The following SCPEP1 variants were observed in gnomAD, a reference collection of about 807,000 sequenced individuals.
SCPEP1 encodes retinoid-inducible serine carboxypeptidase.
SCPEP1 carries 51 observed loss-of-function variants against 63.8 expected under a neutral mutation model. The observed-to-expected ratio is 0.80, with a 90% CI of 0.64 to 1.01. The LOEUF (loss-of-function observed/expected upper bound fraction) is 1.01. SCPEP1 is among the 50% of genes least tolerant of loss of function. SCPEP1 has a pLI of 0.00. For missense variants in SCPEP1, 499 were observed against 554.9 expected (o/e 0.90, Z 1.01); for synonymous variants, 204 against 207.8 (o/e 0.98, Z 0.16).
rs562695761 is a variant in SCPEP1, at chr17:56,982,361, C to T, written c.225+1131C>T. ...GTTTTGCCTCCCAGGATGGTCGATG[C>T]AGACTTTCTGGTGAGATAGAGCGAA... On this transcript the variant is annotated intron_variant, in intron 2 of 12. Coordinates refer to ENST00000262288, the MANE Select transcript of SCPEP1 (RefSeq NM_021626.3). 7.7e-4 allele frequency among the ~76,000 whole-genome samples: 118 copies of T among 152,318 alleles called. 1 individual carries two copies. Among genetic ancestry groups the T allele is most frequent in the Non-Finnish European group, 1.4e-3 (94 of 68,018 alleles).
chr17:57,006,188 G>C lies in SCPEP1; in HGVS notation c.1312G>C (p.Gly438Arg). The change falls in exon 13 of 13, where the codon GGG becomes CGG. Residue 438 changes from glycine (G) to arginine (R), a missense_variant. Physicochemically the swap from Gly to Arg is moderately radical, Grantham distance 125. Transcript: ENST00000262288. ...KAGHMVPSDQGDMALKMMRLV... is the reference protein window; with the variant it reads ...KAGHMVPSDQRDMALKMMRLV... ...TTTTTTCTAGGTTCCTTCTGACCAAGGGGACATGGCTCTGAAGATGATGAG... is the reference window on the plus strand; with the variant it reads ...TTTTTTCTAGGTTCCTTCTGACCAACGGGACATGGCTCTGAAGATGATGAG... The C allele has an allele frequency of 1.9e-6, 3 of 1,611,084 alleles. No homozygotes were observed. Among genetic ancestry groups the C allele is most frequent in the Non-Finnish European group, 2.5e-6 (3 of 1,178,702 alleles).
chr17:56,998,563 GA>G, intron 10 of SCPEP1, 65 bp downstream of exon 10: 1 of 1,261,510 alleles, frequency 7.9e-7, no homozygotes, highest in Non-Finnish European at 1.2e-6. Context: ...TGCAAATTCA[GA>G]GACCTGAATT....
At chr17:56,980,736 C>T (rs566490398) in intron 1 of SCPEP1, among the ~76,000 whole-genome samples, 2 of 146,084 alleles carry the variant, frequency 1.4e-5, no homozygotes, top group Non-Finnish European at 3.0e-5. Flanking sequence ...TGCGGTGAGC[C>T]GAGATTGCGC....
rs369493790 is a variant in SCPEP1 at position 56,985,428 on chromosome 17, G to A, written c.276G>A (p.Gly92=). ...STGFGNFEEI[G]PLDSDLKPRK... ...GATTTGGAAACTTTGAGGAAATTGG[G>A]CCCCTTGACAGTGATCTCAAACCAC... Residue 92 remains glycine (G), a synonymous_variant, in exon 3 of 13, where the codon GGG becomes GGA. Transcript: ENST00000262288. The A allele has an allele frequency of 1.3e-4, 210 of 1,614,070 alleles. No individual in the cohort carries two copies. Among genetic ancestry groups the A allele is most frequent in the Middle Eastern group, 6.6e-4 (4 of 6,084 alleles).
At chr17:56,996,808 C>T (rs1297724019) in intron 8 of SCPEP1, among the ~76,000 whole-genome samples, 154 bp from the exon 9 acceptor site, 1 of 152,160 alleles carries the variant, frequency 6.6e-6, no homozygotes, top group Non-Finnish European at 1.5e-5. Flanking sequence ...CATGAGCCAC[C>T]AGGCCCAGCC....
rs570527797 is a variant in SCPEP1 at position 57,006,549 on chromosome 17, G to A, written c.*314G>A. 62 of 190,364 alleles carry A rather than the reference G, an allele frequency of 3.3e-4. No individual in the cohort carries two copies. The South Asian group carries it at 4.5e-3, about 14-fold the overall frequency. The allele number at this position is 190,364 out of a possible 1,614,324, so 11.8% of individuals were successfully genotyped here. On this transcript the variant is annotated 3_prime_UTR_variant, in exon 13 of 13. Coordinates refer to ENST00000262288, the MANE Select transcript of SCPEP1 (RefSeq NM_021626.3). ...TTTATAGAAAAACTGGGAAATACAGGTACCCAAAGAGTAAATCAACATCTG... is the reference window on the plus strand; with the variant it reads ...TTTATAGAAAAACTGGGAAATACAGATACCCAAAGAGTAAATCAACATCTG...
At chr17:57,001,964 T>C (rs1349073744) in intron 11 of SCPEP1, 54 bp from the exon 12 acceptor site, 12 of 1,560,956 alleles carry the variant, frequency 7.7e-6, no homozygotes, top group Non-Finnish European at 1.0e-5. Context: ...TAGACTTTTT[T>C]CCTATTCTAT....
intron 2 of SCPEP1, chr17:56,984,234 A>T (rs976872737): frequency 6.6e-6 from 1 of 152,356 alleles, no homozygotes; most frequent in African/African-American, 2.4e-5. Context: ...TCGTCTTTTC[A>T]TATCTCCCTT....
rs1911892695 is a variant in SCPEP1, at chr17:57,006,328, A to G, written c.*93A>G. The G allele has an allele frequency of 7.8e-5, 68 of 872,712 alleles. No homozygotes were observed. The highest frequency in any genetic ancestry group is 1.1e-4 in the Non-Finnish European group (64 of 576,684). 54.1% of individuals were successfully genotyped at this position (872,712 alleles called of 1,614,324 possible). A position where few individuals can be genotyped will look rare whatever the true frequency, so the allele number is the denominator to read the frequency against. On this transcript the variant is annotated 3_prime_UTR_variant, in exon 13 of 13. Transcript: ENST00000262288. ...TGTAGGAAGCGCCATTCTTCCCTGTATCTAACTGGGGCTGTGATCAAGAAG... is the reference window on the plus strand; with the variant it reads ...TGTAGGAAGCGCCATTCTTCCCTGTGTCTAACTGGGGCTGTGATCAAGAAG...
chr17:56,981,057 G>A (rs776475729), intron 1 of SCPEP1, 25 bp from the exon 2 acceptor site: 2 of 1,613,668 alleles, frequency 1.2e-6, no homozygotes, highest in Non-Finnish European at 8.5e-7. Context: ...CTCTTCTGGA[G>A]AGTGAAATTG....
chr17:56,985,602 C>T, intron 3 of SCPEP1, 135 bp downstream of exon 3: 2 of 670,446 alleles, frequency 3.0e-6, no homozygotes, highest in South Asian at 1.8e-5. Context: ...AGGCCATGGG[C>T]ACTTGTCCGC....
rs1328493895 is a variant in SCPEP1 at position 56,985,570 on chromosome 17, T to A, written c.315+103T>A. The A allele has an allele frequency of 1.3e-5, 11 of 847,808 alleles. No individual in the cohort carries two copies. In the East Asian group the frequency reaches 2.7e-4, roughly 21 times the overall value. The allele number at this position is 847,808 out of a possible 1,614,324, so 52.5% of individuals were successfully genotyped here. On this transcript the variant is annotated intron_variant, in intron 3 of 12. Transcript: ENST00000262288. ...AAATGTAGCAATCCCTCGCTGTCCT[T>A]TTCCTTTTCCTGTGACTACTGAGGC...
Position 56,995,525 on chromosome 17 carries a change from G to A in SCPEP1, c.676G>A (p.Gly226Ser), listed in dbSNP as rs1911520509. Residue 226 changes from glycine (G) to serine (S), a missense_variant, in exon 8 of 13, where the codon GGT becomes AGT. Gly to Ser is a moderately conservative substitution (Grantham distance 56). Coordinates refer to ENST00000262288, the MANE Select transcript of SCPEP1 (RefSeq NM_021626.3). ...ATTCCAGTCTCTTCTCGAAGACAAA[G>A]GTCTGGCAGAGGTGTCTAAGGTTGC... Reference protein sequence around the residue: ...LYSMSLLEDKGLAEVSKVAEQ... With the variant: ...LYSMSLLEDKSLAEVSKVAEQ... 6.2e-7 allele frequency: 1 copy of A among 1,613,272 alleles called. No homozygotes were observed. Among genetic ancestry groups the A allele is most frequent in the East Asian group, 2.2e-5 (1 of 44,820 alleles).
chr17:56,997,533 C>A (rs542524588), intron 9 of SCPEP1, among the ~76,000 whole-genome samples: 1 of 152,210 alleles, frequency 6.6e-6, no homozygotes, highest in Admixed American at 6.5e-5. Flanking sequence ...TGCAGGATAC[C>A]CTAGGTTCCA....
intron 3 of SCPEP1, chr17:56,987,235 T>C (rs1229199511): frequency 6.5e-6 from 1 of 153,150 alleles, no homozygotes; most frequent in African/African-American, 2.4e-5. Context: ...AATTCTGCTC[T>C]TGCAGTGTAC....
At chr17:56,987,562 A>C in intron 3 of SCPEP1, 133 bp from the exon 4 acceptor site, 1 of 726,358 alleles carries the variant, frequency 1.4e-6, no homozygotes, top group African/African-American at 1.9e-5. Context: ...AATCTCTTTT[A>C]GCAACAGGGA....
chr17:57,001,643 C>T lies in SCPEP1; in HGVS notation c.1133-375C>T, dbSNP rs113612150. Among the ~76,000 whole-genome samples the T allele has an allele frequency of 5.1e-3, 755 of 146,874 alleles. 3 individuals carry two copies. The highest frequency in any genetic ancestry group is 8.4e-3 in the Non-Finnish European group (547 of 65,474). ...CAATTTGGAAAGCTGCTGCATTTCT[C>T]GATGAACATCCCAGGTGATCCTTAT... On this transcript the variant is annotated intron_variant, in intron 11 of 12. Coordinates refer to ENST00000262288, the MANE Select transcript of SCPEP1 (RefSeq NM_021626.3).
chr17:56,987,863 T>C lies in SCPEP1; in HGVS notation c.471+13T>C. The C allele has an allele frequency of 6.2e-7, 1 of 1,613,682 alleles. No individual in the cohort carries two copies. The highest frequency in any genetic ancestry group is 8.5e-7 in the Non-Finnish European group (1 of 1,179,786). On this transcript the variant is annotated intron_variant, in intron 4 of 12. Transcript: ENST00000262288. ...CAAAGAATTCCAGGTAAGCAAAGAC[T>C]CAGGAACAGCTAAGTAAAGGGCTGG...
chr17:56,989,023 CA>C (rs199683698), intron 5 of SCPEP1, among the ~76,000 whole-genome samples: 1,838 of 134,432 alleles, frequency 0.014, 19 homozygotes, highest in African/African-American at 0.034. Flanking sequence ...CCTGTTTCTA[CA>C]AAAAAAAAAA....
Sources: allele counts gnomAD v4.1 joint callset (sites outside exome capture counted in the v4.1 genomes callset), GRCh38; gene constraint gnomAD v4.1.1; transcripts MANE v1.5; gene names NCBI Gene and HGNC (gene_info 2026-07-23, HGNC 2026-07-21).